ARHGEF4: variants seen among roughly 807,000 people sequenced by gnomAD.
The protein encoded by ARHGEF4 is Rho guanine nucleotide exchange factor 4, also known as APC-stimulated guanine nucleotide exchange factor 1.
In ARHGEF4, 119 loss-of-function variants were observed where a neutral mutation model predicts 162.0. That is an observed-to-expected ratio of 0.73 (90% CI 0.63 to 0.86). The LOEUF is 0.86. ARHGEF4 is among the 40% of genes least tolerant of loss of function. The pLI is 0.00. For synonymous variants in ARHGEF4, 1,014 were observed against 979.9 expected (o/e 1.03, Z -0.65); for missense variants, 2,488 against 2,456.0 (o/e 1.01, Z -0.28).
chr2:131,046,387 C>G lies in ARHGEF4; in HGVS notation c.*198C>G. The G allele has an allele frequency of 1.6e-6, 1 of 615,004 alleles. No individual in the cohort carries two copies. Among genetic ancestry groups the G allele is most frequent in the Non-Finnish European group, 2.8e-6 (1 of 357,822 alleles). The allele number at this position is 615,004 out of a possible 1,614,324, so 38.1% of individuals were successfully genotyped here. The stretch of plus-strand genomic sequence containing the variant: ...CCTGCTCCTGGTGCCCTGAAGAGAC[C>G]AGCAAGGGGGCAGACCCCGCACTCG... On this transcript the variant is annotated 3_prime_UTR_variant, in exon 14 of 14. Transcript: ENST00000409359.
chr2:131,003,888 A>G (rs1166801975), intron 4 of ARHGEF4, among the ~76,000 whole-genome samples: 1 of 152,186 alleles, frequency 6.6e-6, no homozygotes, highest in Non-Finnish European at 1.5e-5. Flanking sequence ...ACTGGGTAAT[A>G]ACGACCTGGA....
chr2:131,022,912 G>T (rs772424809), intron 4 of ARHGEF4, among the ~76,000 whole-genome samples: 2 of 149,254 alleles, frequency 1.3e-5, no homozygotes, highest in Non-Finnish European at 2.9e-5. Flanking sequence ...GAAAATACTC[G>T]CAAACCTCTT....
chr2:130,925,714 G>A (rs1682200787), intron 2 of ARHGEF4, among the ~76,000 whole-genome samples: 1 of 152,128 alleles, frequency 6.6e-6, no homozygotes, highest in Non-Finnish European at 1.5e-5. Flanking sequence ...TATAAGGAAG[G>A]TGTCTTTTTA....
intron 1 of ARHGEF4, among the ~76,000 whole-genome samples, chr2:130,865,081 C>T (rs751777875): frequency 1.1e-4 from 16 of 152,146 alleles, no homozygotes; most frequent in Non-Finnish European, 2.2e-4. Flanking sequence ...GGACTTGCTA[C>T]GTAAGCAAGG....
At chr2:130,974,438 CT>C (rs893254333) in intron 4 of ARHGEF4, among the ~76,000 whole-genome samples, 1 of 151,604 alleles carries the variant, frequency 6.6e-6, no homozygotes, top group African/African-American at 2.4e-5. Context: ...AATCCTAGCT[CT>C]TTTTGTTTGT....
In ARHGEF4 at chr2:131,040,054, C is replaced by T. The variant is rs757316577; in HGVS notation, c.4344C>T (p.Ala1448=). Residue 1448 remains alanine (A), a synonymous_variant, in exon 7 of 14, where the codon GCC becomes GCT. Transcript: ENST00000409359. The part of the protein sequence containing the change: ...VNQDEPADDD[A]PLAGNSGAED... ...AGGACGAGCCCGCGGATGACGACGC[C>T]CCTCTGGCCGGGAACAGCGGAGCGG... 2.2e-5 allele frequency: 35 copies of T among 1,585,864 alleles called. No individual in the cohort carries two copies. The highest frequency in any genetic ancestry group is 2.7e-5 in the Non-Finnish European group (32 of 1,167,186).
chr2:130,934,404 A>T (rs1201044420), intron 3 of ARHGEF4, among the ~76,000 whole-genome samples: 1 of 152,116 alleles, frequency 6.6e-6, no homozygotes, highest in African/African-American at 2.4e-5. Flanking sequence ...TTCACCAGTG[A>T]AGCTTTCTGG....
chr2:130,893,914 G>A (rs1337133199), intron 1 of ARHGEF4, among the ~76,000 whole-genome samples: 1 of 152,208 alleles, frequency 6.6e-6, no homozygotes, highest in Non-Finnish European at 1.5e-5. Flanking sequence ...GACCTGGTGA[G>A]ACCTAGATGG....
At chr2:131,041,605 C>A in intron 9 of ARHGEF4, 143 bp downstream of exon 9, 2 of 1,095,774 alleles carry the variant, frequency 1.8e-6, no homozygotes, top group Non-Finnish European at 2.6e-6. Flanking sequence ...GAGCTCCTTG[C>A]AATGGGGGAA....
intron 13 of ARHGEF4, 34 bp from the exon 14 acceptor site, chr2:131,046,004 C>T: frequency 1.3e-6 from 2 of 1,587,746 alleles, no homozygotes; most frequent in Non-Finnish European, 8.6e-7. Context: ...CTGCCCTGGG[C>T]ACCCATGACC....
At position 130,985,007 on chromosome 2, in the gene ARHGEF4, G is replaced by A. The variant is rs368078853; in HGVS notation, c.3985+38372G>A. Among the ~76,000 whole-genome samples the A allele has an allele frequency of 5.9e-5, 9 of 152,166 alleles. 1 individual carries two copies. The highest frequency in any genetic ancestry group is 2.2e-4 in the African/African-American group (9 of 41,502). On this transcript the variant is annotated intron_variant, in intron 4 of 13. Coordinates refer to ENST00000409359, the MANE Select transcript of ARHGEF4 (RefSeq NM_001367493.1). ...TATCCATACTGAAACAACAGTCAGG[G>A]TGCTCCCCCATCAAGCTCTTTGCAG...
At chr2:130,981,949 C>T (rs1469426944) in intron 4 of ARHGEF4, among the ~76,000 whole-genome samples, 1 of 152,186 alleles carries the variant, frequency 6.6e-6, no homozygotes, top group Non-Finnish European at 1.5e-5. Context: ...CAAACATGTA[C>T]ACTAAATCTG....
intron 4 of ARHGEF4, among the ~76,000 whole-genome samples, chr2:131,007,532 A>AAT (rs1688193278): frequency 6.6e-6 from 1 of 152,134 alleles, no homozygotes; most frequent in Non-Finnish European, 1.5e-5. Context: ...TTGTGAAGCT[A>AAT]ATATATTCAT....
chr2:130,889,457 C>T (rs1270359218), intron 1 of ARHGEF4, among the ~76,000 whole-genome samples: 1 of 151,986 alleles, frequency 6.6e-6, no homozygotes, highest in Non-Finnish European at 1.5e-5. Context: ...TGAAATTCAT[C>T]CTTTAGATTT....
rs950024132 is a variant in ARHGEF4 at position 130,897,014 on chromosome 2, A to G, written c.40-16972A>G. ...TCACCAGGCTGGGGAAGGGAGGGGA[A>G]CTAGTTCCTGCGAGGTTCAGTGAAA... On this transcript the variant is annotated intron_variant, in intron 1 of 13. Transcript: ENST00000409359. Among the ~76,000 whole-genome samples the G allele has an allele frequency of 2.6e-5, 4 of 152,258 alleles. No homozygotes were observed. The East Asian group carries it at 5.8e-4, about 22-fold the overall frequency.
Position 130,949,318 on chromosome 2 carries a change from CTGTT to C in ARHGEF4, c.3985+2697_3985+2700del, listed in dbSNP as rs561916767. Reference sequence around the variant, plus strand: ...TCATCTGCTCTTCTTTCGAGGTTTTCTGTTTGTTTGTTTGTTTTTTATTTACTTT... The same window carrying C: ...TCATCTGCTCTTCTTTCGAGGTTTTCTGTTTGTTTGTTTTTTATTTACTTT... On this transcript the variant is annotated intron_variant, in intron 4 of 13. Coordinates refer to ENST00000409359, the MANE Select transcript of ARHGEF4 (RefSeq NM_001367493.1). Among the ~76,000 whole-genome samples the C allele has an allele frequency of 1.7e-3, 266 of 152,038 alleles. 2 individuals are homozygous for C. Among genetic ancestry groups the C allele is most frequent in the South Asian group, 0.011 (52 of 4,808 alleles).
At chr2:130,840,409 G>A (rs1680527149) in intron 1 of ARHGEF4, among the ~76,000 whole-genome samples, 2 of 152,316 alleles carry the variant, frequency 1.3e-5, no homozygotes, top group South Asian at 4.1e-4. Context: ...AGCCTACCTG[G>A]CAGGTTAAGG....
intron 1 of ARHGEF4, among the ~76,000 whole-genome samples, chr2:130,897,746 G>C (rs1680244869): frequency 6.6e-6 from 1 of 152,098 alleles, no homozygotes; most frequent in South Asian, 2.1e-4. Context: ...AGGCAGGTCA[G>C]GTCCCTGACT....
chr2:131,003,804 C>A (rs146272000), intron 4 of ARHGEF4, among the ~76,000 whole-genome samples: 1 of 152,322 alleles, frequency 6.6e-6, no homozygotes, highest in African/African-American at 2.4e-5. Context: ...CAGCTAATGA[C>A]TTCAGATCAG....
Sources: gnomAD v4.1 joint callset for allele counts (sites outside exome capture counted in the v4.1 genomes callset) on GRCh38, gnomAD v4.1.1 for gene constraint, MANE v1.5 for transcripts, NCBI Gene and HGNC (gene_info 2026-07-23, HGNC 2026-07-21) for gene names.